MFHAS1: variants seen among roughly 807,000 people sequenced by gnomAD.
MFHAS1 encodes multifunctional ROCO family signaling regulator 1.
In MFHAS1, 50 loss-of-function variants were observed where a neutral mutation model predicts 70.4. The ratio of observed to expected loss-of-function variants is 0.71; its 90% CI spans 0.57 to 0.90. MFHAS1 has a LOEUF of 0.90. Among genes scored for constraint, MFHAS1 ranks in the 40% least tolerant of loss-of-function variants. The pLI, the probability that MFHAS1 is intolerant of heterozygous loss-of-function variation, is 0.00. For synonymous variants in MFHAS1, 952 were observed against 620.0 expected (o/e 1.54, Z -7.96); for missense variants, 1,795 against 1,347.6 (o/e 1.33, Z -5.20).
intron 1 of MFHAS1, among the ~76,000 whole-genome samples, chr8:8,868,623 C>T (rs748856831): frequency 4.6e-5 from 7 of 152,016 alleles, no homozygotes; most frequent in Non-Finnish European, 7.4e-5. Flanking sequence ...GAAGATGAGG[C>T]CGCTCACAAA....
At chr8:8,826,674 A>G (rs1167315068) in intron 1 of MFHAS1, among the ~76,000 whole-genome samples, 1 of 152,244 alleles carries the variant, frequency 6.6e-6, no homozygotes, top group Non-Finnish European at 1.5e-5. Flanking sequence ...TGGAGGCTGC[A>G]GTGAGCTGAG....
intron 2 of MFHAS1, among the ~76,000 whole-genome samples, chr8:8,796,314 C>T (rs1456405000): frequency 6.6e-5 from 10 of 152,322 alleles, no homozygotes; most frequent in Non-Finnish European, 2.9e-5. Context: ...CTATTACTGA[C>T]TTTCTGCAGG....
intron 1 of MFHAS1, among the ~76,000 whole-genome samples, chr8:8,889,012 GA>G (rs66863310): frequency 0.16 from 6,628 of 40,550 alleles, 232 homozygotes; most frequent in Non-Finnish European, 0.23. Context: ...ACTGCTCTAA[GA>G]AAAAAAAAAA....
chr8:8,892,728 G>A lies in MFHAS1; in HGVS notation c.331C>T (p.His111Tyr). The A allele has an allele frequency of 7.6e-6, 12 of 1,570,218 alleles. No homozygotes were observed. Among genetic ancestry groups the A allele is most frequent in the Non-Finnish European group, 9.5e-6 (11 of 1,160,464 alleles). The part of the protein sequence containing the change: ...RLPPAVAELG[H>Y]HLTELDVSHN... ...CTCACGTCCAGCTCGGTGAGGTGGTGGCCGAGCTCGGCCACCGCCGGGGGC... is the reference window on the plus strand; with the variant it reads ...CTCACGTCCAGCTCGGTGAGGTGGTAGCCGAGCTCGGCCACCGCCGGGGGC... Residue 111 changes from histidine (H) to tyrosine (Y), a missense_variant, in exon 1 of 3, where the codon CAC becomes TAC. His to Tyr is a moderately conservative substitution (Grantham distance 83). Coordinates refer to ENST00000276282, the MANE Select transcript of MFHAS1 (RefSeq NM_004225.3). This position sits in a 1 kb window ranked among gnomAD's most constrained non-coding sequence, Gnocchi z 4.7.
At chr8:8,859,420 C>T (rs926024906) in intron 1 of MFHAS1, among the ~76,000 whole-genome samples, 11 of 152,182 alleles carry the variant, frequency 7.2e-5, no homozygotes, top group Non-Finnish European at 1.2e-4. Flanking sequence ...CACTAAGATA[C>T]TTGGTGCTAT....
At chr8:8,867,541 T>G (rs1026960673) in intron 1 of MFHAS1, among the ~76,000 whole-genome samples, 3 of 152,066 alleles carry the variant, frequency 2.0e-5, no homozygotes, top group African/African-American at 7.2e-5. Flanking sequence ...TAATGATAAT[T>G]CAAACATTAT....
intron 1 of MFHAS1, among the ~76,000 whole-genome samples, chr8:8,849,528 G>T (rs1483233115): frequency 6.6e-6 from 1 of 152,170 alleles, no homozygotes; most frequent in Non-Finnish European, 1.5e-5. Flanking sequence ...AAGAAACGTG[G>T]GGTTATTATA....
At chr8:8,843,761 A>T (rs1807928728) in intron 1 of MFHAS1, among the ~76,000 whole-genome samples, 1 of 152,172 alleles carries the variant, frequency 6.6e-6, no homozygotes, top group African/African-American at 2.4e-5. Context: ...TCCCATAAAC[A>T]TCAGCGAACT....
At chr8:8,808,899 C>T (rs544019866) in intron 1 of MFHAS1, among the ~76,000 whole-genome samples, 4 of 152,212 alleles carry the variant, frequency 2.6e-5, no homozygotes, top group Non-Finnish European at 4.4e-5. Context: ...TGGACTGGTA[C>T]GCGTCCATGG....
In MFHAS1 at chr8:8,890,550, T is replaced by A. The variant is rs1294812367; in HGVS notation, c.2509A>T (p.Lys837Ter). ...GTGGACCCATTCAAAGGCTTGCCCT[T>A]GGGTTTATTGAGGCAGTAACAGAGT... ...MGLCYCLNKP[K>*]GKPLNGSTAW... Residue 837 changes from lysine (K) to a stop codon, truncating the protein, a stop_gained, in exon 1 of 3, where the codon AAG (lysine) becomes TAG (stop). Transcript: ENST00000276282. LOFTEE classifies it high-confidence loss of function. 2.5e-6 allele frequency: 4 copies of A among 1,613,366 alleles called. No homozygotes were observed. The highest frequency in any genetic ancestry group is 3.4e-6 in the Non-Finnish European group (4 of 1,180,050).
In MFHAS1 at chr8:8,891,862, C is replaced by A. The variant is rs1810061275; in HGVS notation, c.1197G>T (p.Leu399=). 1 of 1,612,362 alleles carries A rather than the reference C, an allele frequency of 6.2e-7. No individual in the cohort carries two copies. Among genetic ancestry groups the A allele is most frequent in the Non-Finnish European group, 8.5e-7 (1 of 1,179,414 alleles). Residue 399 remains leucine (L), a synonymous_variant, in exon 1 of 3, where the codon CTG becomes CTT. Transcript: ENST00000276282. This position sits in a 1 kb window ranked among gnomAD's most constrained non-coding sequence, Gnocchi z 5.4. ...IPYIAAYQKE[L]AHSQPAVQPR... ...GCTGCACCGCCGGCTGGGAATGAGC[C>A]AGTTCCTTCTGGTAGGCTGCGATGT...
chr8:8,869,374 C>T (rs891935841), intron 1 of MFHAS1, among the ~76,000 whole-genome samples: 13 of 152,090 alleles, frequency 8.5e-5, no homozygotes, highest in African/African-American at 1.4e-4. Flanking sequence ...CTCCGGGGCA[C>T]GCTACATACA....
At chr8:8,844,446 G>C (rs1194018541) in intron 1 of MFHAS1, among the ~76,000 whole-genome samples, 1 of 152,114 alleles carries the variant, frequency 6.6e-6, no homozygotes, top group African/African-American at 2.4e-5. Flanking sequence ...ATACAAATAA[G>C]CCTAGGCATA....
chr8:8,823,616 T>C (rs922818084), intron 1 of MFHAS1, among the ~76,000 whole-genome samples: 1 of 151,698 alleles, frequency 6.6e-6, no homozygotes, highest in Non-Finnish European at 1.5e-5. Context: ...TAGCATGAAG[T>C]AGAACAATCG....
At chr8:8,812,202 A>C (rs1806574922) in intron 1 of MFHAS1, among the ~76,000 whole-genome samples, 1 of 152,128 alleles carries the variant, frequency 6.6e-6, no homozygotes, top group South Asian at 2.1e-4. Flanking sequence ...CCTCTTCTGA[A>C]TCGTAGTTGC....
At chr8:8,876,155 T>C (rs540713867) in intron 1 of MFHAS1, among the ~76,000 whole-genome samples, 2 of 152,300 alleles carry the variant, frequency 1.3e-5, no homozygotes, top group South Asian at 4.1e-4. Context: ...CAAACTATTA[T>C]GATGCCTAAA....
chr8:8,829,819 A>G (rs1267605094), intron 1 of MFHAS1, among the ~76,000 whole-genome samples: 1 of 152,224 alleles, frequency 6.6e-6, no homozygotes, highest in African/African-American at 2.4e-5. Context: ...TCAGATAAAT[A>G]CAAAAAAGAG....
intron 1 of MFHAS1, among the ~76,000 whole-genome samples, chr8:8,817,460 T>C (rs566076827): frequency 7.2e-5 from 11 of 152,356 alleles, no homozygotes; most frequent in African/African-American, 2.4e-4. Flanking sequence ...CTCCTCACAG[T>C]GCTCTCTCTG....
Position 8,796,688 on chromosome 8 carries a change from C to CAAAAAAAAAAAAAA in MFHAS1, c.3125+663_3125+676dup, listed in dbSNP as rs55756300. On this transcript the variant is annotated intron_variant, in intron 2 of 2. Coordinates refer to ENST00000276282, the MANE Select transcript of MFHAS1 (RefSeq NM_004225.3). ...GACAGAGCAAGACTCCGTCTCAAAA[C>CAAAAAAAAAAAAAA]AAAAAAAAAAAAAAAGGCAAAAAAA... is the stretch of plus-strand genomic sequence containing the variant. Among the ~76,000 whole-genome samples the CAAAAAAAAAAAAAA allele has an allele frequency of 1.1e-3, 27 of 24,756 alleles. 5 individuals carry two copies. The highest frequency in any genetic ancestry group is 3.1e-3 in the African/African-American group (18 of 5,872). 16.2% of individuals were successfully genotyped at this position (24,756 alleles called of 152,430 possible).
Sources: allele counts gnomAD v4.1 joint callset (sites outside exome capture counted in the v4.1 genomes callset), GRCh38; gene constraint gnomAD v4.1.1; non-coding constraint Gnocchi (gnomAD v3.1); transcripts MANE v1.5; gene names NCBI Gene and HGNC (gene_info 2026-07-23, HGNC 2026-07-21).